Variants in VAV2 observed in about 807,000 individuals in gnomAD.
VAV2 encodes the protein vav guanine nucleotide exchange factor 2, also known as guanine nucleotide exchange factor VAV2.
In VAV2, 67 loss-of-function variants were observed where a neutral mutation model predicts 132.5. That is an observed-to-expected ratio of 0.51 (90% CI 0.42 to 0.62). The LOEUF (loss-of-function observed/expected upper bound fraction) is 0.62, where lower values mean the gene tolerates loss of function less well. Among genes scored for constraint, VAV2 ranks in the 20% least tolerant of loss-of-function variants. The probability of loss-of-function intolerance (pLI) is 0.00; values close to 1 mark genes in which losing one functional copy is unlikely to be tolerated. For synonymous variants in VAV2, 492 were observed against 443.5 expected (o/e 1.11, Z -1.37); for missense variants, 938 against 1,153.6 (o/e 0.81, Z 2.71).
intron 3 of VAV2, among the ~76,000 whole-genome samples, chr9:133,858,443 G>A (rs747649621): frequency 1.3e-5 from 2 of 152,126 alleles, no homozygotes; most frequent in South Asian, 2.1e-4. Context: ...TATGGGGAGG[G>A]GATAAATGGA....
rs1350494190 is a variant in VAV2 at position 133,804,383 on chromosome 9, C to T, written c.836+1698G>A. 6.6e-6 allele frequency among the ~76,000 whole-genome samples: 1 copy of T among 152,190 alleles called. No individual in the cohort carries two copies. The highest frequency in any genetic ancestry group is 1.9e-4 in the East Asian group (1 of 5,188). ...CTCTTGGGCTGGGCCTGTGACTGGACGTGCTGCCCGCACTGCAGTGGCGCT... is the reference window on the plus strand; with the variant it reads ...CTCTTGGGCTGGGCCTGTGACTGGATGTGCTGCCCGCACTGCAGTGGCGCT... On this transcript the variant is annotated intron_variant, in intron 9 of 29. Transcript: ENST00000371850. The surrounding 1 kb of genome is among the most constrained non-coding windows in gnomAD (Gnocchi z 4.5).
Position 133,783,494 on chromosome 9 carries a change from G to GA in VAV2, c.1723+8_1723+9insT. On this transcript the variant is annotated intron_variant, in intron 19 of 29. Transcript: ENST00000371850. ...GGGACTGGGGTGGGGGGGTGAGGGG[G>GA]GTACTCACTGAACTTGCAGGGAGGT... is the stretch of plus-strand genomic sequence containing the variant. The GA allele has an allele frequency of 1.2e-6, 2 of 1,611,092 alleles. No individual in the cohort carries two copies. Among genetic ancestry groups the GA allele is most frequent in the Non-Finnish European group, 1.7e-6 (2 of 1,178,328 alleles).
chr9:133,777,432 T>A lies in VAV2; in HGVS notation c.1922A>T (p.Tyr641Phe), dbSNP rs1209739418. Reference sequence around the variant, plus strand: ...GGGCTTCACAGATGAGCTGGGGAAATACCCTGACTTCCTGGTTTGTACCAG... The same window carrying A: ...GGGCTTCACAGATGAGCTGGGGAAAAACCCTGACTTCCTGGTTTGTACCAG... Reference protein sequence around the residue: ...GRLVQTRKSGYFPSSSVKPCP... With the variant: ...GRLVQTRKSGFFPSSSVKPCP... Residue 641 changes from tyrosine (Y) to phenylalanine (F), a missense_variant, in exon 23 of 30, where the codon TAT becomes TTT. Transcript: ENST00000371850. The A allele has an allele frequency of 3.7e-6, 6 of 1,613,688 alleles. No individual in the cohort carries two copies. The highest frequency in any genetic ancestry group is 5.1e-6 in the Non-Finnish European group (6 of 1,179,996).
chr9:133,939,639 C>T (rs993176565), intron 1 of VAV2, among the ~76,000 whole-genome samples: 34 of 152,254 alleles, frequency 2.2e-4, no homozygotes, highest in Admixed American at 3.3e-4. Context: ...CATGTCGAGG[C>T]CGACAGTCAC....
At chr9:133,916,421 C>T (rs556236431) in intron 2 of VAV2, among the ~76,000 whole-genome samples, 1 of 152,318 alleles carries the variant, frequency 6.6e-6, no homozygotes, top group African/African-American at 2.4e-5. Flanking sequence ...CCAACGAGGG[C>T]CCGGGCGCAC....
intron 22 of VAV2, 21 bp downstream of exon 22, chr9:133,778,741 C>T (rs1833901890): frequency 1.2e-6 from 2 of 1,610,804 alleles, no homozygotes; most frequent in Admixed American, 1.7e-5. Flanking sequence ...ACCCTCGACC[C>T]TCCCGGGCCC....
In VAV2 at chr9:133,940,701, G is replaced by C. The variant is rs1404508962; in HGVS notation, c.205-1482C>G. Reference sequence around the variant, plus strand: ...TGTGTGTGTGTGTGTGTGTGTGTGTGTGTGTGTTTCTGAACACTCGAGATT... The same window carrying C: ...TGTGTGTGTGTGTGTGTGTGTGTGTCTGTGTGTTTCTGAACACTCGAGATT... On this transcript the variant is annotated intron_variant, in intron 1 of 29. Transcript: ENST00000371850. Among the ~76,000 whole-genome samples, 22 of 151,362 alleles carry C rather than the reference G, an allele frequency of 1.5e-4. 1 individual carries two copies. Among genetic ancestry groups the C allele is most frequent in the East Asian group, 1.2e-3 (6 of 5,156 alleles).
At chr9:133,907,020 G>A (rs1839682553) in intron 2 of VAV2, among the ~76,000 whole-genome samples, 1 of 152,226 alleles carries the variant, frequency 6.6e-6, no homozygotes, top group Non-Finnish European at 1.5e-5. Context: ...GCCCCCTCAG[G>A]CCTGCCTCAG....
At position 133,833,366 on chromosome 9, in the gene VAV2, C is replaced by T. The variant is rs1020203246; in HGVS notation, c.449+906G>A. Among the ~76,000 whole-genome samples, 1 of 152,208 alleles carries T rather than the reference C, an allele frequency of 6.6e-6. No individual in the cohort carries two copies. The highest frequency in any genetic ancestry group is 2.4e-5 in the African/African-American group (1 of 41,454). ...TCTTACTCCTCTCCCGGTTGTCATT[C>T]TCAGTCTGTGCTCTAAAACGAAGGG... is the stretch of plus-strand genomic sequence containing the variant. On this transcript the variant is annotated intron_variant, in intron 4 of 29. Transcript: ENST00000371850. This position sits in a 1 kb window ranked among gnomAD's most constrained non-coding sequence, Gnocchi z 5.6.
chr9:133,777,167 A>ACAC (rs1292172736), intron 23 of VAV2, among the ~76,000 whole-genome samples: 3 of 152,140 alleles, frequency 2.0e-5, no homozygotes, highest in Non-Finnish European at 2.9e-5. Flanking sequence ...CAACGAAACG[A>ACAC]CACCCGATCG....
intron 1 of VAV2, among the ~76,000 whole-genome samples, chr9:133,950,320 T>A (rs964466789): frequency 6.6e-6 from 1 of 152,102 alleles, no homozygotes; most frequent in Non-Finnish European, 1.5e-5. Context: ...GGGAGGCTCC[T>A]ATTCAACTCT....
chr9:133,778,700 C>T, intron 22 of VAV2, 62 bp downstream of exon 22: 2 of 1,592,016 alleles, frequency 1.3e-6, no homozygotes, highest in South Asian at 2.2e-5. Flanking sequence ...ATGCTTCTGC[C>T]CCAGGGAGCA....
intron 2 of VAV2, among the ~76,000 whole-genome samples, chr9:133,865,105 C>T (rs546543099): frequency 2.0e-5 from 3 of 152,290 alleles, no homozygotes; most frequent in South Asian, 2.1e-4. Context: ...TGGGTCCTTC[C>T]GCAAAAACAC....
chr9:133,931,565 G>C (rs940954015), intron 2 of VAV2, among the ~76,000 whole-genome samples: 17 of 152,044 alleles, frequency 1.1e-4, no homozygotes, highest in African/African-American at 3.9e-4. Context: ...CTGTCCCTTT[G>C]TCCCCTGACC....
chr9:133,946,827 C>A (rs1469581063), intron 1 of VAV2, among the ~76,000 whole-genome samples: 1 of 152,186 alleles, frequency 6.6e-6, no homozygotes, highest in African/African-American at 2.4e-5. Flanking sequence ...TGGAATGGAT[C>A]AAATTTGGGG....
chr9:133,774,478 G>C (rs1833741296), intron 25 of VAV2, among the ~76,000 whole-genome samples: 1 of 152,188 alleles, frequency 6.6e-6, no homozygotes, highest in African/African-American at 2.4e-5. Flanking sequence ...CATAGGGCAG[G>C]AGGATGCCCA....
intron 1 of VAV2, among the ~76,000 whole-genome samples, chr9:133,965,209 C>T (rs137914994): frequency 6.6e-6 from 1 of 152,044 alleles, no homozygotes; most frequent in African/African-American, 2.4e-5. Flanking sequence ...CAAGAAAGGC[C>T]AGGCACAGTG....
At chr9:133,987,984 C>T (rs1046319119) in intron 1 of VAV2, among the ~76,000 whole-genome samples, 3 of 152,244 alleles carry the variant, frequency 2.0e-5, no homozygotes, top group African/African-American at 7.2e-5. Context: ...ATGCACGTTG[C>T]TATGATGCTC....
chr9:133,952,684 A>G (rs1656601111), intron 1 of VAV2, among the ~76,000 whole-genome samples: 1 of 152,114 alleles, frequency 6.6e-6, no homozygotes, highest in South Asian at 2.1e-4. Context: ...AAGTGTCCCT[A>G]GAAGAGAAGA....
Sources: gnomAD v4.1 joint callset for allele counts (sites outside exome capture counted in the v4.1 genomes callset) on GRCh38, gnomAD v4.1.1 for gene constraint, Gnocchi (gnomAD v3.1) non-coding constraint, MANE v1.5 for transcripts, NCBI Gene and HGNC (gene_info 2026-07-23, HGNC 2026-07-21) for gene names.